Variants in SLC35A3 observed in about 807,000 individuals in gnomAD.
SLC35A3 encodes the protein solute carrier family 35 member A3.
In SLC35A3, 26 loss-of-function variants were observed where a neutral mutation model predicts 39.0. That is an observed-to-expected ratio of 0.67 (90% CI 0.49 to 0.92). The LOEUF (loss-of-function observed/expected upper bound fraction) is 0.92, where lower values mean the gene tolerates loss of function less well. SLC35A3 is among the 40% of genes least tolerant of loss of function. The pLI, the probability that SLC35A3 is intolerant of heterozygous loss-of-function variation, is 0.00. For synonymous variants in SLC35A3, 135 were observed against 133.1 expected (o/e 1.01, Z -0.10); for missense variants, 299 against 371.6 (o/e 0.80, Z 1.61).
chr1:100,004,309 T>C, intron 3 of SLC35A3, among the ~76,000 whole-genome samples: 1 of 152,216 alleles, frequency 6.6e-6, no homozygotes, highest in Non-Finnish European at 1.5e-5. Context: ...TAAGCACTTT[T>C]TTTGTTTGTT....
chr1:100,022,498 T>C lies in SLC35A3; in HGVS notation c.*22T>C, dbSNP rs945754152. 3.1e-6 allele frequency: 4 copies of C among 1,274,482 alleles called. No homozygotes were observed. Among genetic ancestry groups the C allele is most frequent in the Non-Finnish European group, 3.4e-6 (3 of 883,858 alleles). 78.9% of individuals were successfully genotyped at this position (1,274,482 alleles called of 1,614,324 possible). ...ATAGTTGTATACTATCTTTAACTGG[T>C]TTTTCACGATGGGGCACTAGGAATC... On this transcript the variant is annotated 3_prime_UTR_variant, in exon 8 of 8. Coordinates refer to ENST00000533028, the MANE Select transcript of SLC35A3 (RefSeq NM_012243.3).
chr1:99,981,815 A>G (rs1309962208), intron 1 of SLC35A3, among the ~76,000 whole-genome samples: 1 of 151,866 alleles, frequency 6.6e-6, no homozygotes, highest in Non-Finnish European at 1.5e-5. Flanking sequence ...TAAAACATTG[A>G]CTAAACATTT....
At chr1:100,013,617 A>G (rs1659837846) in intron 5 of SLC35A3, among the ~76,000 whole-genome samples, 1 of 151,866 alleles carries the variant, frequency 6.6e-6, no homozygotes, top group South Asian at 2.1e-4. Context: ...TCCTGTCTCA[A>G]AATATACATA....
intron 6 of SLC35A3, among the ~76,000 whole-genome samples, chr1:100,016,691 A>T (rs1327694857): frequency 6.6e-6 from 1 of 152,166 alleles, no homozygotes; most frequent in Admixed American, 6.5e-5. Flanking sequence ...TCTGTTTTTA[A>T]GATAGCAGAA....
chr1:99,981,165 A>T (rs1657427288), intron 1 of SLC35A3, among the ~76,000 whole-genome samples: 2 of 152,096 alleles, frequency 1.3e-5, no homozygotes, highest in Admixed American at 6.5e-5. Context: ...TTTTCTGTTG[A>T]TTTATTTGGA....
chr1:100,004,501 A>G lies in SLC35A3; in HGVS notation c.343-2533A>G, dbSNP rs1446863346. Among the ~76,000 whole-genome samples the G allele has an allele frequency of 2.0e-5, 3 of 151,908 alleles. No homozygotes were observed. In the East Asian group the frequency reaches 5.8e-4, roughly 29 times the overall value. ...ATTTTTTTAGAGATGAGGTTTCGTC[A>G]TGTTTCCCAGGGCTGGTCTTAAACT... is the stretch of plus-strand genomic sequence containing the variant. On this transcript the variant is annotated intron_variant, in intron 3 of 7. Transcript: ENST00000533028.
chr1:99,980,553 A>C (rs1657397909), intron 1 of SLC35A3, among the ~76,000 whole-genome samples: 1 of 152,206 alleles, frequency 6.6e-6, no homozygotes, highest in Non-Finnish European at 1.5e-5. Context: ...TCTTGGTTTT[A>C]TTTAAATCTA....
intron 7 of SLC35A3, 72 bp from the exon 8 acceptor site, chr1:100,022,314 A>G (rs919510642): frequency 2.6e-6 from 2 of 774,538 alleles, no homozygotes; most frequent in Non-Finnish European, 2.1e-6. Context: ...TTTTTATAGT[A>G]AAGAAATAGA....
intron 1 of SLC35A3, among the ~76,000 whole-genome samples, chr1:99,982,699 T>G (rs561135725): frequency 1.3e-5 from 2 of 152,332 alleles, no homozygotes; most frequent in African/African-American, 4.8e-5. Flanking sequence ...TAATATTTTT[T>G]GTATAAAATG....
chr1:100,013,445 C>CA (rs59892113), intron 5 of SLC35A3, among the ~76,000 whole-genome samples: 871 of 59,470 alleles, frequency 0.015, 11 homozygotes, highest in Middle Eastern at 0.13. Context: ...AAACTCTGTA[C>CA]AAAAAAAAAA....
Position 100,029,420 on chromosome 1 carries a change from CTT to C in SLC35A3, c.*6947_*6948del, listed in dbSNP as rs1661099106. On this transcript the variant is annotated 3_prime_UTR_variant, in exon 8 of 8. Transcript: ENST00000533028. ...CAACGACAATTCTTCTTTTCAGAGA[CTT>C]TTAATTTTTTTTTTTTTTTTTTTTT... 1 of 146,638 alleles carries C rather than the reference CTT, an allele frequency of 6.8e-6. No individual in the cohort carries two copies. The highest frequency in any genetic ancestry group is 1.5e-5 in the Non-Finnish European group (1 of 67,338). The allele number at this position is 146,638 out of a possible 1,614,324, so 9.1% of individuals were successfully genotyped here. A position where few individuals can be genotyped will look rare whatever the true frequency, so the allele number is the denominator to read the frequency against.
intron 2 of SLC35A3, among the ~76,000 whole-genome samples, chr1:99,997,182 C>T (rs775894463): frequency 1.6e-4 from 24 of 151,702 alleles, no homozygotes; most frequent in Middle Eastern, 3.4e-3. Flanking sequence ...AAAGACTTCC[C>T]GGCTTCCTTG....
intron 6 of SLC35A3, among the ~76,000 whole-genome samples, chr1:100,016,971 T>C (rs1660181141): frequency 6.6e-6 from 1 of 152,196 alleles, no homozygotes; most frequent in Non-Finnish European, 1.5e-5. Flanking sequence ...TAAGCTCAAT[T>C]GGCATAATTT....
chr1:99,999,581 T>C (rs1464085947), intron 3 of SLC35A3, among the ~76,000 whole-genome samples, 166 bp downstream of exon 3: 1 of 152,192 alleles, frequency 6.6e-6, no homozygotes, highest in East Asian at 1.9e-4. Context: ...ATCATTTCTT[T>C]GTGTTGGGGA....
intron 4 of SLC35A3, chr1:100,007,399 T>A (rs545179252): frequency 3.4e-6 from 1 of 294,060 alleles, no homozygotes; most frequent in East Asian, 7.3e-5. Flanking sequence ...ATTAGGGAAA[T>A]AAGACACTGC....
intron 1 of SLC35A3, 142 bp from the exon 2 acceptor site, chr1:99,993,395 G>GTT: frequency 1.0e-5 from 6 of 602,344 alleles, no homozygotes; most frequent in Non-Finnish European, 1.4e-5. Context: ...CTTGGTTTCT[G>GTT]TTTTTTTTTC....
chr1:100,002,191 G>A (rs1658860797), intron 3 of SLC35A3, among the ~76,000 whole-genome samples: 1 of 152,166 alleles, frequency 6.6e-6, no homozygotes, highest in Non-Finnish European at 1.5e-5. Context: ...GAGAATTGGT[G>A]TTAGTTCTTC....
intron 1 of SLC35A3, among the ~76,000 whole-genome samples, chr1:99,989,374 C>G (rs985388382): frequency 6.6e-6 from 1 of 152,150 alleles, no homozygotes; most frequent in Admixed American, 6.5e-5. Flanking sequence ...ACCTCCATCT[C>G]TCGGGTTCAA....
intron 1 of SLC35A3, among the ~76,000 whole-genome samples, chr1:99,985,728 A>G (rs1196405144): frequency 9.2e-5 from 14 of 152,132 alleles, no homozygotes; most frequent in Non-Finnish European, 2.1e-4. Flanking sequence ...TATTTGTGTC[A>G]TCTATGATTT....
Sources: allele counts gnomAD v4.1 joint callset (sites outside exome capture counted in the v4.1 genomes callset), GRCh38; gene constraint gnomAD v4.1.1; transcripts MANE v1.5; gene names NCBI Gene and HGNC (gene_info 2026-07-23, HGNC 2026-07-21).